Variants in GPR139 observed in about 807,000 individuals in gnomAD.
GPR139 encodes the protein probable G protein-coupled receptor 139.
GPR139 carries 12 observed loss-of-function variants against 25.8 expected under a neutral mutation model. The observed-to-expected ratio is 0.47, with a 90% CI of 0.30 to 0.75. GPR139 has a LOEUF of 0.75. Ranked by LOEUF, GPR139 falls within the 30% of genes least tolerant of loss-of-function variation. GPR139 has a pLI of 0.07. For synonymous variants in GPR139, 184 were observed against 179.9 expected (o/e 1.02, Z -0.18); for missense variants, 380 against 450.2 (o/e 0.84, Z 1.41).
intron 1 of GPR139, among the ~76,000 whole-genome samples, chr16:20,066,276 G>C (rs2057433716): frequency 6.6e-6 from 1 of 152,184 alleles, no homozygotes; most frequent in Non-Finnish European, 1.5e-5. Flanking sequence ...TCAGTGGCAG[G>C]ACCCTTTCTG....
chr16:20,047,265 C>T (rs772840316), intron 1 of GPR139, among the ~76,000 whole-genome samples: 2 of 152,080 alleles, frequency 1.3e-5, no homozygotes, highest in Non-Finnish European at 2.9e-5. Context: ...CACCCACCAC[C>T]ATGCCTGGCT....
intron 1 of GPR139, among the ~76,000 whole-genome samples, chr16:20,050,248 C>T (rs781374617): frequency 4.9e-4 from 75 of 152,118 alleles, no homozygotes; most frequent in Non-Finnish European, 9.0e-4. Flanking sequence ...AGGAGCCAGT[C>T]GAGTGACTGG....
rs2057277591 is a variant in GPR139, at chr16:20,029,036, A to T, written c.*2699T>A. 1.3e-5 allele frequency among the ~76,000 whole-genome samples: 2 copies of T among 152,240 alleles called. No homozygotes were observed. The highest frequency in any genetic ancestry group is 4.1e-4 in the South Asian group (2 of 4,826). On this transcript the variant is annotated 3_prime_UTR_variant, in exon 2 of 2. Coordinates refer to ENST00000570682, the MANE Select transcript of GPR139 (RefSeq NM_001002911.4). ...ACTATAAATAATAATAAAAGTCCTT[A>T]GATAGTTTGAAATAAATTTTAAGAG... is the stretch of plus-strand genomic sequence containing the variant.
chr16:20,034,092 T>C (rs1364398427), intron 1 of GPR139, among the ~76,000 whole-genome samples: 1 of 152,172 alleles, frequency 6.6e-6, no homozygotes, highest in Non-Finnish European at 1.5e-5. Flanking sequence ...TCTACACATT[T>C]ATTTTCATTC....
At chr16:20,034,219 T>C (rs2057302198) in intron 1 of GPR139, among the ~76,000 whole-genome samples, 1 of 151,276 alleles carries the variant, frequency 6.6e-6, no homozygotes, top group Non-Finnish European at 1.5e-5. Flanking sequence ...TCCAGATCTC[T>C]CTCTCAGTCT....
chr16:20,045,943 G>A (rs1041313693), intron 1 of GPR139, among the ~76,000 whole-genome samples: 1 of 152,116 alleles, frequency 6.6e-6, no homozygotes, highest in Non-Finnish European at 1.5e-5. Flanking sequence ...AAGGTTATTG[G>A]GTGCGAGGGG....
chr16:20,064,382 AAC>A (rs1268117895), intron 1 of GPR139, among the ~76,000 whole-genome samples: 1 of 152,086 alleles, frequency 6.6e-6, no homozygotes, highest in African/African-American at 2.4e-5. Flanking sequence ...CTCTACTAAA[AAC>A]ACAAAAAATT....
chr16:20,069,221 C>A (rs2057449771), intron 1 of GPR139, among the ~76,000 whole-genome samples: 2 of 124,534 alleles, frequency 1.6e-5, no homozygotes, highest in Middle Eastern at 3.8e-3. Flanking sequence ...CAGTGCTTAG[C>A]CCATTTAATC....
chr16:20,062,749 C>T (rs1276488328), intron 1 of GPR139, among the ~76,000 whole-genome samples: 3 of 152,254 alleles, frequency 2.0e-5, no homozygotes, highest in East Asian at 1.9e-4. Flanking sequence ...TCCTAGTAGT[C>T]ACGTTAATAA....
intron 1 of GPR139, among the ~76,000 whole-genome samples, chr16:20,033,241 C>T (rs556462632): frequency 6.6e-6 from 1 of 151,310 alleles, no homozygotes; most frequent in East Asian, 2.0e-4. Context: ...AGAGGTGGTG[C>T]CGCCATTCTC....
In GPR139 at chr16:20,031,814, G is replaced by A. The variant is rs1237205341; in HGVS notation, c.983C>T (p.Ser328Leu). The A allele has an allele frequency of 1.9e-6, 3 of 1,614,092 alleles. No homozygotes were observed. The highest frequency in any genetic ancestry group is 2.5e-6 in the Non-Finnish European group (3 of 1,180,044). ...NFSITSSPWI[S>L]PANSHCIKML... is the part of the protein sequence containing the mutation. ...CTTGATGCAGTGTGAGTTTGCCGGC[G>A]AGATCCAGGGGCTACTTGTTATGGA... Residue 328 changes from serine (S) to leucine (L), a missense_variant, in exon 2 of 2, where the codon TCG becomes TTG. Physicochemically the swap from Ser to Leu is moderately radical, Grantham distance 145. Coordinates refer to ENST00000570682, the MANE Select transcript of GPR139 (RefSeq NM_001002911.4).
chr16:20,034,738 A>G (rs1217069247), intron 1 of GPR139, among the ~76,000 whole-genome samples: 3 of 152,156 alleles, frequency 2.0e-5, no homozygotes, highest in Non-Finnish European at 1.5e-5. Context: ...CTGCCATTCT[A>G]TATACTGCTT....
Position 20,031,861 on chromosome 16 carries a change from C to G in GPR139, c.936G>C (p.Gln312His). Reference protein sequence around the residue: ...AFFKCQKQPVQFYTNHNFSIT... With the variant: ...AFFKCQKQPVHFYTNHNFSIT... ...TGGAAAAGTTATGATTGGTGTAGAA[C>G]TGTACAGGTTGCTTCTGGCACTTGA... Residue 312 changes from glutamine (Q) to histidine (H), a missense_variant, in exon 2 of 2, where the codon CAG becomes CAC. Physicochemically the swap from Gln to His is conservative, Grantham distance 24. Transcript: ENST00000570682. The G allele has an allele frequency of 1.2e-6, 2 of 1,614,224 alleles. No homozygotes were observed. Among genetic ancestry groups the G allele is most frequent in the East Asian group, 4.5e-5 (2 of 44,886 alleles).
intron 1 of GPR139, among the ~76,000 whole-genome samples, chr16:20,056,994 G>A (rs2057390799): frequency 6.6e-6 from 1 of 152,316 alleles, no homozygotes; most frequent in Middle Eastern, 3.4e-3. Context: ...AGAGGGTAAT[G>A]GGGATGATGT....
At chr16:20,033,887 A>T (rs1215316472) in intron 1 of GPR139, among the ~76,000 whole-genome samples, 1 of 151,178 alleles carries the variant, frequency 6.6e-6, no homozygotes, top group Admixed American at 6.6e-5. Flanking sequence ...TTTTGCACCA[A>T]CCTAATACAT....
rs535880454 is a variant in GPR139 at position 20,043,684 on chromosome 16, G to C, written c.128-11015C>G. On this transcript the variant is annotated intron_variant, in intron 1 of 1. Coordinates refer to ENST00000570682, the MANE Select transcript of GPR139 (RefSeq NM_001002911.4). ...TAAGCCACCTGCTGAAGATGGCACAGCTGGTAAGATGAAGTACCTTGAAAG... is the reference window on the plus strand; with the variant it reads ...TAAGCCACCTGCTGAAGATGGCACACCTGGTAAGATGAAGTACCTTGAAAG... 6.6e-5 allele frequency among the ~76,000 whole-genome samples: 10 copies of C among 152,294 alleles called. No individual in the cohort carries two copies. The South Asian group carries it at 1.9e-3, about 28-fold the overall frequency.
At chr16:20,046,410 T>C (rs2057354576) in intron 1 of GPR139, among the ~76,000 whole-genome samples, 2 of 152,214 alleles carry the variant, frequency 1.3e-5, no homozygotes, top group Admixed American at 1.3e-4. Flanking sequence ...ACTAGCTCTG[T>C]GGCTTGGGTA....
intron 1 of GPR139, among the ~76,000 whole-genome samples, chr16:20,040,785 CAAG>C (rs2057326950): frequency 6.6e-6 from 1 of 152,020 alleles, no homozygotes; most frequent in Non-Finnish European, 1.5e-5. Flanking sequence ...GGTTAGATGT[CAAG>C]AAGAACTTTT....
At position 20,073,343 on chromosome 16, in the gene GPR139, G is replaced by A. The variant is rs1033378138; in HGVS notation, c.127+147C>T. 17 of 1,197,726 alleles carry A rather than the reference G, an allele frequency of 1.4e-5. 1 individual carries two copies. In the Admixed American group the frequency reaches 3.7e-4, roughly 26 times the overall value. The allele number at this position is 1,197,726 out of a possible 1,614,324, so 74.2% of individuals were successfully genotyped here. A position where few individuals can be genotyped will look rare whatever the true frequency, so the allele number is the denominator to read the frequency against. On this transcript the variant is annotated intron_variant, in intron 1 of 1. Coordinates refer to ENST00000570682, the MANE Select transcript of GPR139 (RefSeq NM_001002911.4). The surrounding 1 kb of genome is among the most constrained non-coding windows in gnomAD (Gnocchi z 4.7). ...GGGCACAGCAACTTCCTTTCCCCCC[G>A]TGTGGAAATATCCATAGTTGCCCTT...
Sources: gnomAD v4.1 joint callset for allele counts (sites outside exome capture counted in the v4.1 genomes callset) on GRCh38, gnomAD v4.1.1 for gene constraint, Gnocchi (gnomAD v3.1) non-coding constraint, MANE v1.5 for transcripts, NCBI Gene and HGNC (gene_info 2026-07-23, HGNC 2026-07-21) for gene names.